The following VARS1 variants were observed in gnomAD, a reference collection of about 807,000 sequenced individuals.
VARS1 encodes the protein valine--tRNA ligase.
Under a neutral mutation model 161.0 loss-of-function variants are expected in VARS1, and 92 were observed. The ratio of observed to expected loss-of-function variants is 0.57; its 90% CI spans 0.48 to 0.68. The LOEUF is 0.68. VARS1 is among the 30% of genes least tolerant of loss of function. VARS1 has a pLI of 0.00. For missense variants in VARS1, 1,338 were observed against 1,695.9 expected, an observed-to-expected ratio of 0.79 and a Z score of 3.71; for synonymous variants, 595 against 682.5, an observed-to-expected ratio of 0.87 and a Z score of 2.00.
rs1300298721 is a variant in VARS1 at position 31,795,528 on chromosome 6, C to G, written c.-34+18G>C. The G allele has an allele frequency of 3.5e-6, 1 of 285,864 alleles. No individual in the cohort carries two copies. 17.7% of individuals were successfully genotyped at this position (285,864 alleles called of 1,614,324 possible). A position where few individuals can be genotyped will look rare whatever the true frequency, so the allele number is the denominator to read the frequency against. On this transcript the variant is annotated intron_variant, in intron 1 of 29. Transcript: ENST00000375663. This position sits in a 1 kb window ranked among gnomAD's most constrained non-coding sequence, Gnocchi z 6.9. The stretch of plus-strand genomic sequence containing the variant: ...GTCGGCGTCTGGTTGGATGCGGGTT[C>G]GAGCCGCGTGTACGTACTGGAGGGA...
At chr6:31,790,267 AAAAAAAC>A (rs1813783223) in intron 8 of VARS1, among the ~76,000 whole-genome samples, 3 of 152,008 alleles carry the variant, frequency 2.0e-5, no homozygotes, top group South Asian at 4.1e-4. Context: ...TTTCAACAGA[AAAAAAAC>A]AAAAAACAAA....
intron 2 of VARS1, among the ~76,000 whole-genome samples, chr6:31,794,093 C>CAAAAAA (rs33960246): frequency 2.0e-4 from 14 of 70,934 alleles, no homozygotes; most frequent in Admixed American, 7.7e-4. Context: ...GATTCTGTCT[C>CAAAAAA]AAAAAAAAAA....
intron 13 of VARS1, among the ~76,000 whole-genome samples, chr6:31,783,664 C>CT (rs113840487): frequency 0.85 from 121,033 of 142,802 alleles, 51,516 homozygotes; most frequent in African/African-American, 0.94. Context: ...CTCTATTTAA[C>CT]TTTTTTTTTT....
chr6:31,789,884 C>T (rs557963596), intron 8 of VARS1, among the ~76,000 whole-genome samples: 118 of 151,688 alleles, frequency 7.8e-4, no homozygotes, highest in Non-Finnish European at 1.3e-3. Context: ...ATTAGCCGGG[C>T]GTGGTGGTGG....
At position 31,791,630 on chromosome 6, in the gene VARS1, G is replaced by A. The variant is rs1813872853; in HGVS notation, c.1080C>T (p.Ile360=). 3 of 1,612,354 alleles carry A rather than the reference G, an allele frequency of 1.9e-6. No homozygotes were observed. The highest frequency in any genetic ancestry group is 1.1e-5 in the South Asian group (1 of 91,016). ...CTCACCATCGAGTCAGGGAGTCCTG[G>A]ATGGCGTTGGTGAGTGCATGGCCCA... ...LHLGHALTNA[I]QDSLTRWHRM... The change falls in exon 8 of 30, where the codon ATC becomes ATT. Residue 360 remains isoleucine, a synonymous_variant. Transcript: ENST00000375663. The surrounding 1 kb of genome is among the most constrained non-coding windows in gnomAD (Gnocchi z 5.0).
In VARS1 at chr6:31,791,375, TTAAA is replaced by T. The variant is rs1308560322; in HGVS notation, c.1100+231_1100+234del. On this transcript the variant is annotated intron_variant, in intron 8 of 29. Coordinates refer to ENST00000375663, the MANE Select transcript of VARS1 (RefSeq NM_006295.3). The surrounding 1 kb of genome is among the most constrained non-coding windows in gnomAD (Gnocchi z 5.0). ...AAAATTAAATTAAATTAAATTAAAATTAAATAAAGAAAGAAGGGATAGAAGAGAG... is the reference window on the plus strand; with the variant it reads ...AAAATTAAATTAAATTAAATTAAAATTAAAGAAAGAAGGGATAGAAGAGAG... Among the ~76,000 whole-genome samples, 2 of 151,698 alleles carry T rather than the reference TTAAA, an allele frequency of 1.3e-5. No homozygotes were observed. Among genetic ancestry groups the T allele is most frequent in the Non-Finnish European group, 2.9e-5 (2 of 67,968 alleles).
rs1460852566 is a variant in VARS1, at chr6:31,789,995, C to T, written c.1100+1615G>A. On this transcript the variant is annotated intron_variant, in intron 8 of 29. Transcript: ENST00000375663. ...GCAGTGAGCCGAGACTGTGCCACTG[C>T]ACTCCAGCCTGGGTGACAGTGCAAG... 4.6e-5 allele frequency among the ~76,000 whole-genome samples: 7 copies of T among 151,730 alleles called. No homozygotes were observed. In the South Asian group the frequency reaches 1.5e-3, roughly 32 times the overall value.
At chr6:31,786,955 G>C (rs973774271) in intron 8 of VARS1, among the ~76,000 whole-genome samples, 2 of 151,846 alleles carry the variant, frequency 1.3e-5, no homozygotes, top group Non-Finnish European at 2.9e-5. Flanking sequence ...GCCAGGCACA[G>C]TGGCTCAAGC....
intron 2 of VARS1, 141 bp from the exon 3 acceptor site, chr6:31,793,261 A>G (rs555956920): frequency 5.8e-6 from 7 of 1,201,274 alleles, no homozygotes; most frequent in Non-Finnish European, 3.4e-6. Context: ...AATAGTCACA[A>G]TAAAAATACT....
chr6:31,795,072 C>T lies in VARS1; in HGVS notation c.146G>A (p.Arg49Lys), dbSNP rs759397976. 4 of 1,514,602 alleles carry T rather than the reference C, an allele frequency of 2.6e-6. No individual in the cohort carries two copies. The South Asian group carries it at 3.7e-5, about 14-fold the overall frequency. 93.8% of individuals were successfully genotyped at this position (1,514,602 alleles called of 1,614,324 possible). The change falls in exon 2 of 30, where the codon AGG becomes AAG. Residue 49 changes from arginine to lysine, a missense_variant. By Grantham distance (26) the Arg-to-Lys change is conservative (BLOSUM62 2). Transcript: ENST00000375663. This position sits in a 1 kb window ranked among gnomAD's most constrained non-coding sequence, Gnocchi z 6.9. Reference sequence around the variant, plus strand: ...CAGGCGGGGTGGGGGAAAGGGAGTCCTGCTAGTCGGGGGTGGCTGGAGACA... The same window carrying T: ...CAGGCGGGGTGGGGGAAAGGGAGTCTTGCTAGTCGGGGGTGGCTGGAGACA... ...RICLQPPPTS[R>K]TPFPPPRLPA...
chr6:31,779,842 G>C lies in VARS1; in HGVS notation c.3082-28C>G. ...AGGGGACGAGAGGTACAGGGCTCAC[G>C]GCTGGAGGTCTAGCCTTGAGCCCTC... is the stretch of plus-strand genomic sequence containing the variant. On this transcript the variant is annotated intron_variant, in intron 26 of 29. Coordinates refer to ENST00000375663, the MANE Select transcript of VARS1 (RefSeq NM_006295.3). This position sits in a 1 kb window ranked among gnomAD's most constrained non-coding sequence, Gnocchi z 9.1. 3 of 1,611,568 alleles carry C rather than the reference G, an allele frequency of 1.9e-6. No homozygotes were observed. The highest frequency in any genetic ancestry group is 2.5e-6 in the Non-Finnish European group (3 of 1,179,036).
chr6:31,792,934 C>T (rs2151434961), intron 3 of VARS1, 39 bp from the exon 4 acceptor site: 1 of 1,614,200 alleles, frequency 6.2e-7, no homozygotes, highest in Non-Finnish European at 8.5e-7. Flanking sequence ...AGTCACCCTA[C>T]AGTGAGGTCT....
chr6:31,785,307 T>C lies in VARS1; in HGVS notation c.1286A>G (p.His429Arg). 6.2e-7 allele frequency: 1 copy of C among 1,612,974 alleles called. No homozygotes were observed. The highest frequency in any genetic ancestry group is 8.5e-7 in the Non-Finnish European group (1 of 1,179,992). ...GGAGCTGCCAAGCTTCTTCAACTGG[T>C]GGTAAATCCGGTCACCTTTCCTGGA... is the stretch of plus-strand genomic sequence containing the variant. ...WKEEKGDRIY[H>R]QLKKLGSSLD... The change falls in exon 10 of 30, where the codon CAC (histidine) becomes CGC (arginine). Residue 429 changes from histidine to arginine, a missense_variant. By Grantham distance (29) the His-to-Arg change is conservative. Coordinates refer to ENST00000375663, the MANE Select transcript of VARS1 (RefSeq NM_006295.3). This position sits in a 1 kb window ranked among gnomAD's most constrained non-coding sequence, Gnocchi z 6.1.
Position 31,780,598 on chromosome 6 carries a change from T to C in VARS1, c.2798-30A>G, listed in dbSNP as rs940425869. ...GTCGGGGGTGAGATGTGAGTCCTCA[T>C]CACCCTCTTCCCAGCCCATGCCCAC... On this transcript the variant is annotated intron_variant, in intron 24 of 29. Coordinates refer to ENST00000375663, the MANE Select transcript of VARS1 (RefSeq NM_006295.3). The surrounding 1 kb of genome is among the most constrained non-coding windows in gnomAD (Gnocchi z 5.1). 1 of 1,611,568 alleles carries C rather than the reference T, an allele frequency of 6.2e-7. No homozygotes were observed. Among genetic ancestry groups the C allele is most frequent in the African/African-American group, 1.3e-5 (1 of 74,852 alleles).
At position 31,780,808 on chromosome 6, in the gene VARS1, A is replaced by T. The variant is rs1390007619; in HGVS notation, c.2719-25T>A. On this transcript the variant is annotated intron_variant, in intron 23 of 29. Coordinates refer to ENST00000375663, the MANE Select transcript of VARS1 (RefSeq NM_006295.3). The surrounding 1 kb of genome is among the most constrained non-coding windows in gnomAD (Gnocchi z 5.1). ...TCTACAGGGAAGAGGCAGGGGGAGGAGCGTCCTCAGCCAGCCCCATCCACG... is the reference window on the plus strand; with the variant it reads ...TCTACAGGGAAGAGGCAGGGGGAGGTGCGTCCTCAGCCAGCCCCATCCACG... 2.5e-6 allele frequency: 4 copies of T among 1,613,994 alleles called. No individual in the cohort carries two copies. The highest frequency in any genetic ancestry group is 3.4e-6 in the Non-Finnish European group (4 of 1,180,004).
Position 31,784,810 on chromosome 6 carries a change from T to A in VARS1, c.1348-96A>T. ...CCAGTGAGGCCTTGCCCATACAGAG[T>A]CCCACTGGCCAGCACAAAGACCCCT... On this transcript the variant is annotated intron_variant, in intron 10 of 29. Coordinates refer to ENST00000375663, the MANE Select transcript of VARS1 (RefSeq NM_006295.3). This position sits in a 1 kb window ranked among gnomAD's most constrained non-coding sequence, Gnocchi z 6.1. The A allele has an allele frequency of 6.4e-7, 1 of 1,566,246 alleles. No individual in the cohort carries two copies.
chr6:31,795,331 G>C lies in VARS1; in HGVS notation c.-33-81C>G, dbSNP rs1814208461. On this transcript the variant is annotated intron_variant, in intron 1 of 29. Transcript: ENST00000375663. This position sits in a 1 kb window ranked among gnomAD's most constrained non-coding sequence, Gnocchi z 6.9. ...GAGTAGAGAGGGGACCCTCACGGGA[G>C]CTCCTTCGCCGCAGACACCCGAGTC... 1 of 1,051,442 alleles carries C rather than the reference G, an allele frequency of 9.5e-7. No individual in the cohort carries two copies. The highest frequency in any genetic ancestry group is 1.6e-5 in the African/African-American group (1 of 62,256). The allele number at this position is 1,051,442 out of a possible 1,614,324, so 65.1% of individuals were successfully genotyped here. A position where few individuals can be genotyped will look rare whatever the true frequency, so the allele number is the denominator to read the frequency against.
At position 31,779,106 on chromosome 6, in the gene VARS1, T is replaced by C; in HGVS notation, c.3587A>G (p.Asp1196Gly). Residue 1196 changes from aspartate to glycine, a missense_variant, in exon 29 of 30, where the codon GAC becomes GGC. By Grantham distance (94) the Asp-to-Gly change is moderately conservative. Coordinates refer to ENST00000375663, the MANE Select transcript of VARS1 (RefSeq NM_006295.3). This position sits in a 1 kb window ranked among gnomAD's most constrained non-coding sequence, Gnocchi z 9.1. ...CAGCTTGCCCAGCTCCCGTGCAGGGTCCACCAGCCCCTGAAGCTGCAGGTG... is the reference window on the plus strand; with the variant it reads ...CAGCTTGCCCAGCTCCCGTGCAGGGCCCACCAGCCCCTGAAGCTGCAGGTG... ...SIHLQLQGLV[D>G]PARELGKLQA... is the part of the protein sequence containing the mutation. The C allele has an allele frequency of 6.2e-7, 1 of 1,609,728 alleles. No individual in the cohort carries two copies. The highest frequency in any genetic ancestry group is 8.5e-7 in the Non-Finnish European group (1 of 1,178,294).
intron 2 of VARS1, 80 bp from the exon 3 acceptor site, chr6:31,793,200 C>T: frequency 6.7e-7 from 1 of 1,490,316 alleles, no homozygotes; most frequent in Non-Finnish European, 8.9e-7. Flanking sequence ...TGTGGCCTCC[C>T]TCCACCCCAC....
Sources: gnomAD v4.1 joint callset for allele counts (sites outside exome capture counted in the v4.1 genomes callset) on GRCh38, gnomAD v4.1.1 for gene constraint, Gnocchi (gnomAD v3.1) non-coding constraint, MANE v1.5 for transcripts, NCBI Gene and HGNC (gene_info 2026-07-23, HGNC 2026-07-21) for gene names.